Variants in GYPC observed in about 807,000 individuals in gnomAD.
The protein encoded by GYPC is glycophorin-C.
In GYPC, 14 loss-of-function variants were observed where a neutral mutation model predicts 12.6. The observed-to-expected ratio is 1.11, with a 90% CI of 0.74 to 1.74. The LOEUF (loss-of-function observed/expected upper bound fraction) is 1.74. GYPC is among the 40% of genes most tolerant of loss of function. GYPC has a pLI of 0.00. For synonymous variants in GYPC, 78 were observed against 62.1 expected (o/e 1.26, Z -1.20); for missense variants, 225 against 172.1 (o/e 1.31, Z -1.72).
intron 1 of GYPC, among the ~76,000 whole-genome samples, chr2:126,687,764 C>T (rs1000447122): frequency 9.2e-5 from 14 of 152,228 alleles, no homozygotes; most frequent in African/African-American, 3.4e-4. Flanking sequence ...CCGAAGCTCT[C>T]AGGTCCTACC....
At chr2:126,686,520 T>C in intron 1 of GYPC, 1 of 985,444 alleles carries the variant, frequency 1.0e-6, no homozygotes, top group Non-Finnish European at 1.2e-6. Context: ...GCAGTTTAGT[T>C]GGTTCGTGGT....
intron 1 of GYPC, among the ~76,000 whole-genome samples, chr2:126,677,165 GA>G (rs1683013107): frequency 6.6e-6 from 1 of 151,922 alleles, no homozygotes; most frequent in African/African-American, 2.4e-5. Context: ...TGCATATGTG[GA>G]AAAGTGTGAG....
rs1051039229 is a variant in GYPC at position 126,696,436 on chromosome 2, G to C, written c.*294G>C. 1.6e-5 allele frequency: 7 copies of C among 427,170 alleles called. No homozygotes were observed. The highest frequency in any genetic ancestry group is 2.2e-5 in the Non-Finnish European group (5 of 227,540). The allele number at this position is 427,170 out of a possible 1,614,324, so 26.5% of individuals were successfully genotyped here. Reference sequence around the variant, plus strand: ...ACATGGGGCCCCCTGGGCAGTGCAGGACAACATCAGCTCACTGGCAGGAAA... The same window carrying C: ...ACATGGGGCCCCCTGGGCAGTGCAGCACAACATCAGCTCACTGGCAGGAAA... On this transcript the variant is annotated 3_prime_UTR_variant, in exon 4 of 4. Coordinates refer to ENST00000259254, the MANE Select transcript of GYPC (RefSeq NM_002101.5).
chr2:126,659,756 TTTTCTTTTCTTTTTC>T (rs990826224), intron 1 of GYPC, among the ~76,000 whole-genome samples: 13 of 151,768 alleles, frequency 8.6e-5, no homozygotes, highest in Non-Finnish European at 1.8e-4. Flanking sequence ...ATGATAGGCA[TTTTCTTTTCTTTTTC>T]TTTCTTTTCT....
At chr2:126,679,530 A>G (rs1387697400) in intron 1 of GYPC, 1 of 152,214 alleles carries the variant, frequency 6.6e-6, no homozygotes, top group African/African-American at 2.4e-5. Context: ...TCACTCATTC[A>G]TTCAGATGCT....
chr2:126,686,608 G>C, intron 1 of GYPC: 1 of 981,962 alleles, frequency 1.0e-6, no homozygotes, highest in Non-Finnish European at 1.2e-6. Context: ...ATAGAGTTGT[G>C]AGCAAGACAA....
chr2:126,682,789 G>A (rs1235973855), intron 1 of GYPC, among the ~76,000 whole-genome samples: 1 of 152,124 alleles, frequency 6.6e-6, no homozygotes, highest in Non-Finnish European at 1.5e-5. Context: ...AGCTTCTTCA[G>A]TTGCCTGCTG....
intron 1 of GYPC, among the ~76,000 whole-genome samples, chr2:126,680,668 G>A (rs753330051): frequency 2.6e-5 from 4 of 152,202 alleles, no homozygotes; most frequent in Non-Finnish European, 5.9e-5. Flanking sequence ...AAGCCACAGC[G>A]CACATTTCTC....
rs529167079 is a variant in GYPC at position 126,679,349 on chromosome 2, G to T, written c.50-10906G>T. Among the ~76,000 whole-genome samples the T allele has an allele frequency of 2.0e-5, 3 of 152,232 alleles. No homozygotes were observed. The South Asian group carries it at 6.2e-4, about 32-fold the overall frequency. ...CACACCAGGAACTTGATAAATGACA[G>T]TCATTAATGTCATTGGAAGCATAGT... On this transcript the variant is annotated intron_variant, in intron 1 of 3. Coordinates refer to ENST00000259254, the MANE Select transcript of GYPC (RefSeq NM_002101.5).
At chr2:126,667,259 G>T (rs1682709060) in intron 1 of GYPC, among the ~76,000 whole-genome samples, 2 of 152,166 alleles carry the variant, frequency 1.3e-5, no homozygotes, top group Non-Finnish European at 2.9e-5. Flanking sequence ...ATACCCTTCT[G>T]CAATGAATCC....
intron 1 of GYPC, among the ~76,000 whole-genome samples, chr2:126,659,043 C>T (rs1682449419): frequency 6.6e-6 from 1 of 152,178 alleles, no homozygotes. Flanking sequence ...TAAGAAACTA[C>T]CCTCCTAAAG....
At chr2:126,674,461 GGGA>G (rs1682939082) in intron 1 of GYPC, among the ~76,000 whole-genome samples, 3 of 88,276 alleles carry the variant, frequency 3.4e-5, no homozygotes, top group African/African-American at 4.0e-5. Context: ...CAAGTGGGGG[GGGA>G]ATACAGGCTC....
At chr2:126,679,765 T>C (rs990855077) in intron 1 of GYPC, 4 of 152,042 alleles carry the variant, frequency 2.6e-5, no homozygotes, top group Admixed American at 1.3e-4. Context: ...TCTCAACTAC[T>C]CCGGAGGCTG....
intron 1 of GYPC, among the ~76,000 whole-genome samples, chr2:126,670,192 C>T (rs1682807064): frequency 1.3e-5 from 2 of 152,228 alleles, no homozygotes; most frequent in African/African-American, 4.8e-5. Flanking sequence ...GAGGCTTGTG[C>T]TGCAGCACGC....
Position 126,663,557 on chromosome 2 carries a change from TCCATGGAGAA to T in GYPC, c.49+7246_49+7255del, listed in dbSNP as rs1376532625. Among the ~76,000 whole-genome samples, 3 of 152,342 alleles carry T rather than the reference TCCATGGAGAA, an allele frequency of 2.0e-5. No individual in the cohort carries two copies. The East Asian group carries it at 5.8e-4, about 29-fold the overall frequency. ...CACTCATACCTGGGCCATCTGGTTCTCCATGGAGAAGAGTAGGCTCTTTGAAAGCACCGTA... is the reference window on the plus strand; with the variant it reads ...CACTCATACCTGGGCCATCTGGTTCTGAGTAGGCTCTTTGAAAGCACCGTA... On this transcript the variant is annotated intron_variant, in intron 1 of 3. Coordinates refer to ENST00000259254, the MANE Select transcript of GYPC (RefSeq NM_002101.5).
intron 1 of GYPC, among the ~76,000 whole-genome samples, chr2:126,661,671 C>T (rs994725856): frequency 1.3e-5 from 2 of 152,156 alleles, no homozygotes; most frequent in Admixed American, 6.5e-5. Flanking sequence ...AGGCTGGTCT[C>T]GAACTCCTGA....
chr2:126,674,533 G>T (rs539535211), intron 1 of GYPC, among the ~76,000 whole-genome samples: 1 of 152,222 alleles, frequency 6.6e-6, no homozygotes, highest in Non-Finnish European at 1.5e-5. Context: ...TGAATGTGGT[G>T]GTGGGAGCTG....
intron 1 of GYPC, among the ~76,000 whole-genome samples, chr2:126,677,977 T>C (rs1415388307): frequency 6.6e-6 from 1 of 152,200 alleles, no homozygotes; most frequent in African/African-American, 2.4e-5. Context: ...ATCCCAGCAC[T>C]TTGGGAGGCC....
intron 3 of GYPC, among the ~76,000 whole-genome samples, 197 bp downstream of exon 3, chr2:126,694,144 T>C (rs1472143106): frequency 6.6e-6 from 1 of 152,088 alleles, no homozygotes; most frequent in Non-Finnish European, 1.5e-5. Context: ...ATCGTACGTA[T>C]CTATGTATGT....
Sources: gnomAD v4.1 joint callset for allele counts (sites outside exome capture counted in the v4.1 genomes callset) on GRCh38, gnomAD v4.1.1 for gene constraint, MANE v1.5 for transcripts, NCBI Gene and HGNC (gene_info 2026-07-23, HGNC 2026-07-21) for gene names.